UST: variants seen among roughly 807,000 people sequenced by gnomAD.
UST encodes the protein chondroitin sulfate 2-O-sulfotransferase.
Under a neutral mutation model 45.6 loss-of-function variants are expected in UST, and 21 were observed. That is an observed-to-expected ratio of 0.46 (90% CI 0.33 to 0.66). The LOEUF is 0.66. UST is among the 30% of genes least tolerant of loss of function. The probability of loss-of-function intolerance (pLI) is 0.02; values close to 1 mark genes in which losing one functional copy is unlikely to be tolerated. For synonymous variants in UST, 215 were observed against 200.6 expected (o/e 1.07, Z -0.61); for missense variants, 463 against 512.4 (o/e 0.90, Z 0.93).
chr6:149,011,668 G>A (rs544348757), intron 5 of UST, among the ~76,000 whole-genome samples: 5 of 152,170 alleles, frequency 3.3e-5, no homozygotes, highest in South Asian at 2.1e-4. Flanking sequence ...AAAACTAGCC[G>A]GGTGTGGGTG....
chr6:148,942,820 C>G (rs1296099120), intron 3 of UST, among the ~76,000 whole-genome samples: 1 of 152,188 alleles, frequency 6.6e-6, no homozygotes. Flanking sequence ...AAATTGCCCA[C>G]TCCTTTGCAA....
intron 5 of UST, among the ~76,000 whole-genome samples, chr6:149,003,450 A>G (rs1447604979): frequency 6.6e-6 from 1 of 152,130 alleles, no homozygotes; most frequent in Non-Finnish European, 1.5e-5. Context: ...AAAACAAAAA[A>G]AAAAAACATT....
rs1182679894 is a variant in UST, at chr6:149,074,749, T to C, written c.*633T>C. ...GACTCTGTCTCAATTAATTTTTTTT[T>C]TTTAAAGGAGGAGGATCTCCATGGG... On this transcript the variant is annotated 3_prime_UTR_variant, in exon 8 of 8. Coordinates refer to ENST00000367463, the MANE Select transcript of UST (RefSeq NM_005715.3). The C allele has an allele frequency of 6.6e-6, 1 of 152,300 alleles. No homozygotes were observed. Among genetic ancestry groups the C allele is most frequent in the Non-Finnish European group, 1.5e-5 (1 of 68,230 alleles). 9.4% of individuals were successfully genotyped at this position (152,300 alleles called of 1,614,324 possible).
intron 2 of UST, among the ~76,000 whole-genome samples, chr6:148,891,145 GAGA>G (rs953320323): frequency 6.6e-5 from 10 of 152,282 alleles, no homozygotes; most frequent in African/African-American, 2.4e-4. Context: ...TCTGGTATGA[GAGA>G]AGATTACAGT....
At chr6:148,981,353 C>T (rs1336922721) in intron 5 of UST, among the ~76,000 whole-genome samples, 1 of 152,224 alleles carries the variant, frequency 6.6e-6, no homozygotes, top group Non-Finnish European at 1.5e-5. Context: ...CCAGGATGCT[C>T]ACCCAGGCAG....
intron 1 of UST, among the ~76,000 whole-genome samples, chr6:148,770,594 A>G (rs1036133255): frequency 5.9e-5 from 9 of 152,214 alleles, no homozygotes; most frequent in African/African-American, 2.2e-4. Flanking sequence ...CTCTATAAAC[A>G]GAAAGGAAGA....
chr6:148,872,846 C>A (rs1778585371), intron 1 of UST, among the ~76,000 whole-genome samples: 1 of 152,194 alleles, frequency 6.6e-6, no homozygotes, highest in African/African-American at 2.4e-5. Context: ...CTCTGACTGT[C>A]TTGCCTGGCT....
intron 1 of UST, among the ~76,000 whole-genome samples, chr6:148,826,791 C>T (rs1428011423): frequency 6.6e-6 from 1 of 152,186 alleles, no homozygotes; most frequent in Non-Finnish European, 1.5e-5. Flanking sequence ...TTTTCAGCTT[C>T]TAAAGGGCTG....
intron 1 of UST, among the ~76,000 whole-genome samples, chr6:148,856,428 A>C (rs1451927843): frequency 6.6e-6 from 1 of 152,258 alleles, no homozygotes; most frequent in East Asian, 1.9e-4. Context: ...AACGTAGTGC[A>C]ATAAAATGTT....
intron 7 of UST, among the ~76,000 whole-genome samples, chr6:149,062,597 C>T (rs1776669687): frequency 6.6e-6 from 1 of 152,196 alleles, no homozygotes; most frequent in Non-Finnish European, 1.5e-5. Flanking sequence ...ACACTCAAGC[C>T]CTTCTTTTCA....
intron 1 of UST, among the ~76,000 whole-genome samples, chr6:148,839,559 G>A (rs1777852533): frequency 6.6e-6 from 1 of 152,184 alleles, no homozygotes; most frequent in African/African-American, 2.4e-5. Flanking sequence ...AGTCCCGAGA[G>A]TCTGCCTTTC....
chr6:148,837,792 C>T (rs900870380), intron 1 of UST, among the ~76,000 whole-genome samples: 9 of 151,902 alleles, frequency 5.9e-5, no homozygotes, highest in Non-Finnish European at 8.8e-5. Context: ...ACCTCCACCT[C>T]CCTGGGCTCA....
At chr6:148,990,668 G>A (rs186527609) in intron 5 of UST, among the ~76,000 whole-genome samples, 55 of 152,210 alleles carry the variant, frequency 3.6e-4, no homozygotes, top group Non-Finnish European at 6.3e-4. Flanking sequence ...ATCCCCAGAC[G>A]TCCCAGGGAA....
intron 1 of UST, among the ~76,000 whole-genome samples, chr6:148,821,423 C>G (rs1777463921): frequency 6.6e-6 from 1 of 152,152 alleles, no homozygotes; most frequent in Admixed American, 6.5e-5. Context: ...GTTCTCAGTG[C>G]ATCATGTTAG....
intron 1 of UST, among the ~76,000 whole-genome samples, chr6:148,809,335 T>C (rs1298308677): frequency 1.3e-5 from 2 of 149,702 alleles, no homozygotes; most frequent in South Asian, 2.1e-4. Context: ...TTTTTTTTTT[T>C]CTCACCTGCT....
rs1778512961 is a variant in UST at position 148,869,731 on chromosome 6, G to A, written c.248-17255G>A. Among the ~76,000 whole-genome samples the A allele has an allele frequency of 1.3e-5, 2 of 152,124 alleles. 1 individual carries two copies. Among genetic ancestry groups the A allele is most frequent in the South Asian group, 4.1e-4 (2 of 4,824 alleles). ...TTCACATGCATGTCATTTTAATGCAGTTTATTTGAAACATCCGGTAGAATG... is the reference window on the plus strand; with the variant it reads ...TTCACATGCATGTCATTTTAATGCAATTTATTTGAAACATCCGGTAGAATG... On this transcript the variant is annotated intron_variant, in intron 1 of 7. Coordinates refer to ENST00000367463, the MANE Select transcript of UST (RefSeq NM_005715.3).
chr6:148,942,699 C>T (rs1000886916), intron 3 of UST, among the ~76,000 whole-genome samples: 6 of 152,108 alleles, frequency 3.9e-5, no homozygotes, highest in East Asian at 1.9e-4. Flanking sequence ...TTACCAATTG[C>T]GTATTTCCAT....
intron 1 of UST, among the ~76,000 whole-genome samples, chr6:148,806,554 G>A (rs1283637799): frequency 6.6e-6 from 1 of 151,872 alleles, no homozygotes; most frequent in Non-Finnish European, 1.5e-5. Context: ...CAGCAGTCTG[G>A]TCTTGAACTC....
chr6:148,866,119 A>T (rs1778425647), intron 1 of UST, among the ~76,000 whole-genome samples: 1 of 143,496 alleles, frequency 7.0e-6, no homozygotes, highest in Non-Finnish European at 1.5e-5. Context: ...TTCCATGACA[A>T]TATTGATTAT....
Sources: allele counts gnomAD v4.1 joint callset (sites outside exome capture counted in the v4.1 genomes callset), GRCh38; gene constraint gnomAD v4.1.1; transcripts MANE v1.5; gene names NCBI Gene and HGNC (gene_info 2026-07-23, HGNC 2026-07-21).